Variants in AQP7 observed in about 807,000 individuals in gnomAD.
AQP7 encodes aquaporin 7.
In AQP7, 22 loss-of-function variants were observed where a neutral mutation model predicts 26.1. The observed-to-expected ratio is 0.84, with a 90% CI of 0.60 to 1.20. The LOEUF is 1.20. Ranked by LOEUF, AQP7 falls within the 50% of genes most tolerant of loss-of-function variation. The pLI is 0.00. For missense variants in AQP7, 412 were observed against 457.5 expected, an observed-to-expected ratio of 0.90 and a Z score of 0.91; for synonymous variants, 167 against 181.7, an observed-to-expected ratio of 0.92 and a Z score of 0.65.
intron 2 of AQP7, 40 bp downstream of exon 2, chr9:33,401,197 G>A: frequency 1.9e-6 from 3 of 1,547,004 alleles, no homozygotes; most frequent in East Asian, 2.4e-5. Flanking sequence ...CTGGGTGAAG[G>A]ACAGGGGGCT....
At chr9:33,395,695 A>G (rs2381014) in intron 2 of AQP7, among the ~76,000 whole-genome samples, 6,913 of 152,326 alleles carry the variant, frequency 0.045, 547 homozygotes, top group African/African-American at 0.16. Context: ...GCCGAGCTCT[A>G]TAAACAGCAC....
chr9:33,392,566 A>G (rs982737368), intron 3 of AQP7, among the ~76,000 whole-genome samples: 2 of 152,308 alleles, frequency 1.3e-5, no homozygotes, highest in African/African-American at 2.4e-5. Context: ...GTGGGCAGGT[A>G]TCAAGCATGT....
chr9:33,391,760 A>G (rs1825431597), intron 3 of AQP7, among the ~76,000 whole-genome samples: 1 of 152,088 alleles, frequency 6.6e-6, no homozygotes, highest in Non-Finnish European at 1.5e-5. Context: ...ACTAAAAATA[A>G]CAACAACACA....
At chr9:33,387,403 G>T (rs2236545) in intron 3 of AQP7, among the ~76,000 whole-genome samples, 1 of 152,088 alleles carries the variant, frequency 6.6e-6, no homozygotes, top group Non-Finnish European at 1.5e-5. Flanking sequence ...GCAGGGCTGC[G>T]AGGAGGGGAT....
chr9:33,385,077 C>T lies in AQP7; in HGVS notation c.957G>A (p.Val319=). 4 of 1,611,904 alleles carry T rather than the reference C, an allele frequency of 2.5e-6. No homozygotes were observed. Among genetic ancestry groups the T allele is most frequent in the Non-Finnish European group, 3.4e-6 (4 of 1,179,818 alleles). Residue 319 remains valine, a synonymous_variant, in exon 8 of 8, where the codon GTG becomes GTA. Transcript: ENST00000297988. ...PTISPLTPVS[V]SPANRSSVHP... Reference sequence around the variant, plus strand: ...GGACTGAAGATCTGTTGGCAGGGCTCACAGAGACGGGGGTGAGGGGAGAGA... The same window carrying T: ...GGACTGAAGATCTGTTGGCAGGGCTTACAGAGACGGGGGTGAGGGGAGAGA...
intron 2 of AQP7, among the ~76,000 whole-genome samples, chr9:33,396,003 A>G (rs1342746314): frequency 1.3e-5 from 2 of 152,186 alleles, no homozygotes; most frequent in Non-Finnish European, 1.5e-5. Flanking sequence ...AGGGCCTGGC[A>G]CTTGATTTAT....
rs3877999 is a variant in AQP7 at position 33,401,248 on chromosome 9, G to A, written c.15C>T (p.Ser5=). ...GGTGGGGTACTTACCGCCTGTGCCC[G>A]GATGCTTGAACCATGTTTTGTCTTT... The part of the protein sequence containing the change: MVQA[S]GHRRSTRGSK... Residue 5 remains serine (S), a synonymous_variant, in exon 2 of 8, where the codon TCC becomes TCT. Coordinates refer to ENST00000297988, the MANE Select transcript of AQP7 (RefSeq NM_001170.3). The A allele has an allele frequency of 1.2e-5, 18 of 1,549,160 alleles. No homozygotes were observed. Among genetic ancestry groups the A allele is most frequent in the African/African-American group, 2.7e-5 (2 of 72,912 alleles).
intron 2 of AQP7, among the ~76,000 whole-genome samples, chr9:33,397,996 G>C (rs1395814710): frequency 2.0e-5 from 3 of 151,990 alleles, no homozygotes; most frequent in Non-Finnish European, 4.4e-5. Context: ...GGGAAGAAAA[G>C]CAATCAATTG....
In AQP7 at chr9:33,385,841, A is replaced by G; in HGVS notation, c.551T>C (p.Leu184Pro). 1 of 1,610,228 alleles carries G rather than the reference A, an allele frequency of 6.2e-7. No homozygotes were observed. The highest frequency in any genetic ancestry group is 8.5e-7 in the Non-Finnish European group (1 of 1,178,226). ...CTGGTCCGTGATGGCGAAGAGACACAGCTGGAGCATCCCGGTCAGCCACGC... is the reference window on the plus strand; with the variant it reads ...CTGGTCCGTGATGGCGAAGAGACACGGCTGGAGCATCCCGGTCAGCCACGC... ...NEAWLTGMLQ[L>P]CLFAITDQEN... Residue 184 changes from leucine (L) to proline (P), a missense_variant, in exon 7 of 8, where the codon CTG becomes CCG. By Grantham distance (98) the Leu-to-Pro change is moderately conservative. Transcript: ENST00000297988.
chr9:33,394,046 C>T (rs13295977), intron 3 of AQP7: 46,711 of 152,322 alleles, frequency 0.31, 8,471 homozygotes, highest in East Asian at 0.52. Context: ...TCAACTTTTT[C>T]CTTCCAGACC....
chr9:33,385,838 C>G lies in AQP7; in HGVS notation c.554G>C (p.Cys185Ser), dbSNP rs1824716232. Residue 185 changes from cysteine to serine, a missense_variant, in exon 7 of 8, where the codon TGT becomes TCT. Physicochemically the swap from Cys to Ser is moderately radical, Grantham distance 112 (BLOSUM62 -1). Transcript: ENST00000297988. ...CTCCTGGTCCGTGATGGCGAAGAGA[C>G]ACAGCTGGAGCATCCCGGTCAGCCA... is the stretch of plus-strand genomic sequence containing the variant. ...EAWLTGMLQL[C>S]LFAITDQENN... 2 of 1,611,592 alleles carry G rather than the reference C, an allele frequency of 1.2e-6. No homozygotes were observed. The highest frequency in any genetic ancestry group is 2.7e-5 in the African/African-American group (2 of 74,868).
chr9:33,389,499 G>A (rs1825183672), intron 3 of AQP7, among the ~76,000 whole-genome samples: 1 of 152,120 alleles, frequency 6.6e-6, no homozygotes, highest in African/African-American at 2.4e-5. Context: ...ATTTTACATT[G>A]ACTGCATCTT....
At chr9:33,387,115 G>T (rs765015082) in intron 3 of AQP7, 23 bp from the exon 4 acceptor site, 2 of 1,608,496 alleles carry the variant, frequency 1.2e-6, no homozygotes, top group Admixed American at 3.4e-5. Context: ...GCCTCTAAGG[G>T]GGCTGCCTGC....
At position 33,385,245 on chromosome 9, in the gene AQP7, C is replaced by T; in HGVS notation, c.789G>A (p.Leu263=). ...AGATGATGCCACCTAGATAGGCACC[C>T]AGAAGTGGTGCCACCACTGGCACCC... is the stretch of plus-strand genomic sequence containing the variant. The part of the protein sequence containing the change: ...WWWVPVVAPL[L]GAYLGGIIYL... Residue 263 remains leucine, a synonymous_variant, in exon 8 of 8, where the codon CTG becomes CTA. Coordinates refer to ENST00000297988, the MANE Select transcript of AQP7 (RefSeq NM_001170.3). The T allele has an allele frequency of 6.2e-7, 1 of 1,611,740 alleles. No individual in the cohort carries two copies. Among genetic ancestry groups the T allele is most frequent in the Non-Finnish European group, 8.5e-7 (1 of 1,179,760 alleles).
At chr9:33,388,230 C>T (rs940320981) in intron 3 of AQP7, among the ~76,000 whole-genome samples, 16 of 152,202 alleles carry the variant, frequency 1.1e-4, no homozygotes, top group Admixed American at 5.2e-4. Context: ...GAAGGTTCGC[C>T]ATCTCACAGC....
chr9:33,388,419 G>A (rs550979389), intron 3 of AQP7, among the ~76,000 whole-genome samples: 5 of 152,156 alleles, frequency 3.3e-5, no homozygotes, highest in South Asian at 2.1e-4. Context: ...AAACCCCATC[G>A]CGTCTTCCCC....
chr9:33,401,861 TCTCTAGCCCAGTTCC>T (rs1826313878), intron 1 of AQP7: 1 of 153,874 alleles, frequency 6.5e-6, no homozygotes, highest in East Asian at 1.9e-4. Context: ...TCCTCCTGAT[TCTCTAGCCCAGTTCC>T]CTCTAGCTCC....
chr9:33,395,416 A>G, intron 2 of AQP7: 1 of 564,078 alleles, frequency 1.8e-6, no homozygotes, highest in Non-Finnish European at 3.2e-6. Flanking sequence ...TGCCCCTTCT[A>G]GTTGGGACTG....
chr9:33,400,729 C>T (rs1392218704), intron 2 of AQP7, among the ~76,000 whole-genome samples: 1 of 151,712 alleles, frequency 6.6e-6, no homozygotes, highest in Non-Finnish European at 1.5e-5. Context: ...CGCTTGAACC[C>T]GGGAGGAGGA....
Sources: gnomAD v4.1 joint callset for allele counts (sites outside exome capture counted in the v4.1 genomes callset) on GRCh38, gnomAD v4.1.1 for gene constraint, MANE v1.5 for transcripts, NCBI Gene and HGNC (gene_info 2026-07-23, HGNC 2026-07-21) for gene names.